Variants in LARGE1 observed in about 807,000 individuals in gnomAD.
The protein encoded by LARGE1 is LARGE xylosyl- and glucuronyltransferase 1.
A neutral mutation model predicts 87.6 loss-of-function variants in LARGE1; 43 were observed. The observed-to-expected ratio is 0.49, with a 90% CI of 0.38 to 0.63. LARGE1 has a LOEUF of 0.63. Among genes scored for constraint, LARGE1 ranks in the 30% least tolerant of loss-of-function variants. The pLI is 0.00. For synonymous variants in LARGE1, 434 were observed against 394.6 expected (o/e 1.10, Z -1.18); for missense variants, 802 against 1,000.2 (o/e 0.80, Z 2.67).
chr22:33,113,503 A>C, the LARGE1 span, among the ~76,000 whole-genome samples: 2 of 152,180 alleles, frequency 1.3e-5, no homozygotes, highest in Non-Finnish European at 2.9e-5. Context: ...CACTGCACCC[A>C]GCCGTCATTT....
At chr22:33,582,259 G>A (rs1032096700) in intron 5 of LARGE1, among the ~76,000 whole-genome samples, 4 of 152,288 alleles carry the variant, frequency 2.6e-5, no homozygotes, top group African/African-American at 9.6e-5. Context: ...GAGGCACCTT[G>A]CTCAGAAGTA....
intron 1 of LARGE1, among the ~76,000 whole-genome samples, chr22:33,851,489 C>T (rs762814810): frequency 1.3e-5 from 2 of 152,214 alleles, no homozygotes; most frequent in East Asian, 1.9e-4. Context: ...CTATTCAATA[C>T]CATTCAGCTG....
At chr22:33,262,414 T>A (rs1009800426) in intron 11 of LARGE1, among the ~76,000 whole-genome samples, 6 of 152,190 alleles carry the variant, frequency 3.9e-5, no homozygotes, top group Non-Finnish European at 1.5e-5. Flanking sequence ...GTGCTACGAC[T>A]GGGCCTCCTG....
chr22:33,754,925 A>C (rs1224119395), intron 2 of LARGE1, among the ~76,000 whole-genome samples: 1 of 152,052 alleles, frequency 6.6e-6, no homozygotes, highest in African/African-American at 2.4e-5. Flanking sequence ...GGGATGGGGG[A>C]GCAGACACAG....
rs958702719 is a variant in LARGE1, at chr22:33,900,301, G to A, written c.-83+19694C>T. On this transcript the variant is annotated intron_variant, in intron 1 of 14. Coordinates refer to ENST00000397394, the MANE Select transcript of LARGE1 (RefSeq NM_133642.5). ...TGCTCCCCCTTGCAAGCCCAGCCCC[G>A]GCTCACTCTACGTTTCCACCAAACA... 1.2e-4 allele frequency among the ~76,000 whole-genome samples: 18 copies of A among 152,226 alleles called. No homozygotes were observed. In the South Asian group the frequency reaches 2.5e-3, roughly 21 times the overall value.
chr22:33,215,087 A>T (rs904448203), intron 11 of LARGE1, among the ~76,000 whole-genome samples: 9 of 152,164 alleles, frequency 5.9e-5, no homozygotes, highest in Admixed American at 5.9e-4. Flanking sequence ...TGATGTCTAG[A>T]ACCTGGCTTT....
intron 6 of LARGE1, among the ~76,000 whole-genome samples, chr22:33,473,840 G>C (rs74715564): frequency 1.3e-5 from 2 of 152,292 alleles, no homozygotes; most frequent in Admixed American, 6.5e-5. Flanking sequence ...GAAAAAACAG[G>C]CCATTTTCTC....
intron 12 of LARGE1, among the ~76,000 whole-genome samples, chr22:33,293,367 T>C (rs1321594003): frequency 6.6e-6 from 1 of 152,232 alleles, no homozygotes; most frequent in Non-Finnish European, 1.5e-5. Flanking sequence ...TTCAGTTTAA[T>C]GATAAAGATA....
intron 11 of LARGE1, among the ~76,000 whole-genome samples, chr22:33,310,963 CTT>C (rs879377119): frequency 8.6e-5 from 12 of 140,284 alleles, no homozygotes; most frequent in Non-Finnish European, 1.3e-4. Flanking sequence ...GGGGCCCGGA[CTT>C]TTTTTTTTTT....
intron 1 of LARGE1, among the ~76,000 whole-genome samples, chr22:33,791,341 C>T (rs950178980): frequency 1.3e-5 from 2 of 152,100 alleles, no homozygotes; most frequent in Non-Finnish European, 2.9e-5. Flanking sequence ...TCCTTTGGGG[C>T]CGTATACCCT....
Position 33,502,207 on chromosome 22 carries a change from A to C in LARGE1, c.787+62641T>G, listed in dbSNP as rs567740535. On this transcript the variant is annotated intron_variant, in intron 6 of 14. Transcript: ENST00000397394. ...TGAGACCCCATCTTAAAAAAAAAAA[A>C]AAAACTGTAGGAACCTATCTGGACA... Among the ~76,000 whole-genome samples, 30 of 151,992 alleles carry C rather than the reference A, an allele frequency of 2.0e-4. No homozygotes were observed. The South Asian group carries it at 5.8e-3, about 30-fold the overall frequency.
chr22:33,074,259 C>T, the LARGE1 span, among the ~76,000 whole-genome samples: 1 of 152,168 alleles, frequency 6.6e-6, no homozygotes, highest in Admixed American at 6.6e-5. Flanking sequence ...GAATTCCACT[C>T]ATTCATACAT....
the LARGE1 span, among the ~76,000 whole-genome samples, chr22:33,121,843 T>C: frequency 6.6e-6 from 1 of 152,198 alleles, no homozygotes; most frequent in Admixed American, 6.5e-5. Context: ...AGCAAAGTCA[T>C]GTCTTACATG....
chr22:33,266,067 T>C (rs889097957), intron 11 of LARGE1, among the ~76,000 whole-genome samples: 5 of 151,756 alleles, frequency 3.3e-5, no homozygotes, highest in African/African-American at 1.2e-4. Context: ...TGTGTTTATC[T>C]GAATCCCTAG....
At chr22:33,705,201 A>G (rs1253405543) in intron 2 of LARGE1, among the ~76,000 whole-genome samples, 1 of 152,220 alleles carries the variant, frequency 6.6e-6, no homozygotes, top group African/African-American at 2.4e-5. Context: ...CACACCTGGC[A>G]ACACTGGGCA....
chr22:33,694,138 G>A (rs2082177002), intron 2 of LARGE1, among the ~76,000 whole-genome samples: 1 of 152,194 alleles, frequency 6.6e-6, no homozygotes, highest in South Asian at 2.1e-4. Context: ...TTAGATGTTA[G>A]GAAAGAGCTC....
At chr22:33,217,185 C>G (rs1265295658) in intron 11 of LARGE1, among the ~76,000 whole-genome samples, 3 of 147,770 alleles carry the variant, frequency 2.0e-5, no homozygotes, top group Non-Finnish European at 4.5e-5. Context: ...AAATATCTAT[C>G]AACAGTAGAG....
At chr22:33,608,695 A>G (rs2079336355) in intron 4 of LARGE1, among the ~76,000 whole-genome samples, 1 of 152,220 alleles carries the variant, frequency 6.6e-6, no homozygotes, top group South Asian at 2.1e-4. Context: ...CCACCAGCAT[A>G]GGAGGGCAGA....
At chr22:33,328,021 C>T (rs1937392046) in intron 10 of LARGE1, among the ~76,000 whole-genome samples, 1 of 152,140 alleles carries the variant, frequency 6.6e-6, no homozygotes, top group African/African-American at 2.4e-5. Flanking sequence ...CCCGTAGTCA[C>T]AGAGCTTACA....
Sources: gnomAD v4.1 joint callset for allele counts (sites outside exome capture counted in the v4.1 genomes callset) on GRCh38, gnomAD v4.1.1 for gene constraint, MANE v1.5 for transcripts, NCBI Gene and HGNC (gene_info 2026-07-23, HGNC 2026-07-21) for gene names.